Variants in BYSL observed in about 807,000 individuals in gnomAD.
BYSL encodes the protein bystin like.
A neutral mutation model predicts 45.4 loss-of-function variants in BYSL; 21 were observed. That is an observed-to-expected ratio of 0.46 (90% CI 0.33 to 0.67). The LOEUF (loss-of-function observed/expected upper bound fraction) is 0.67. Among genes scored for constraint, BYSL ranks in the 30% least tolerant of loss-of-function variants. The pLI, the probability that BYSL is intolerant of heterozygous loss-of-function variation, is 0.02. For synonymous variants in BYSL, 215 were observed against 231.3 expected (o/e 0.93, Z 0.64); for missense variants, 522 against 578.5 (o/e 0.90, Z 1.00).
chr6:41,921,422 TG>T, upstream of BYSL: 1 of 1,226,790 alleles, frequency 8.2e-7, no homozygotes, highest in Non-Finnish European at 1.1e-6. Flanking sequence ...GCGGCGCTGA[TG>T]GCGCTTCTGG....
At chr6:41,911,525 G>A in the BYSL span, among the ~76,000 whole-genome samples, 4 of 151,924 alleles carry the variant, frequency 2.6e-5, no homozygotes, top group African/African-American at 7.3e-5. Flanking sequence ...CAAGTCTTTC[G>A]GAAAAAGGAA....
At chr6:41,929,902 A>G (rs988236226) in intron 2 of BYSL, among the ~76,000 whole-genome samples, 2 of 152,248 alleles carry the variant, frequency 1.3e-5, no homozygotes, top group South Asian at 2.1e-4. Context: ...CCTCCGTACA[A>G]CTGCTAGCTT....
rs763726551 is a variant in BYSL at position 41,931,713 on chromosome 6, T to G, written c.866-15T>G. On this transcript the variant is annotated splice_polypyrimidine_tract_variant and intron_variant, in intron 5 of 6. Coordinates refer to ENST00000230340, the MANE Select transcript of BYSL (RefSeq NM_004053.4). ...CATCCTGGGCTCACAGTGGCTGCCC[T>G]TTGACTCTCCCTAGGGATCCTGATT... 6 of 1,612,802 alleles carry G rather than the reference T, an allele frequency of 3.7e-6. No individual in the cohort carries two copies. In the African/African-American group the frequency reaches 6.7e-5, roughly 18 times the overall value.
At chr6:41,919,409 T>C (rs1390044213), upstream of BYSL, among the ~76,000 whole-genome samples, 2 of 152,230 alleles carry the variant, frequency 1.3e-5, no homozygotes, top group Non-Finnish European at 1.5e-5. Context: ...GACATTGCTT[T>C]ATGATCAACT....
At chr6:41,924,268 G>A (rs1476381880) in intron 1 of BYSL, among the ~76,000 whole-genome samples, 4 of 150,126 alleles carry the variant, frequency 2.7e-5, no homozygotes, top group African/African-American at 4.9e-5. Context: ...TGGGGATTTC[G>A]CTATGTTGGC....
chr6:41,929,776 A>G (rs986930915), intron 2 of BYSL, among the ~76,000 whole-genome samples: 8 of 152,186 alleles, frequency 5.3e-5, no homozygotes, highest in African/African-American at 1.9e-4. Flanking sequence ...CTATTTTACA[A>G]ATGAGGAAAC....
At chr6:41,924,015 A>C (rs962163020) in intron 1 of BYSL, among the ~76,000 whole-genome samples, 5 of 150,776 alleles carry the variant, frequency 3.3e-5, no homozygotes, top group African/African-American at 1.2e-4. Context: ...ACTCTACTCC[A>C]TCTCCATACT....
chr6:41,921,370 G>T, upstream of BYSL: 1 of 699,854 alleles, frequency 1.4e-6, no homozygotes, highest in South Asian at 2.0e-5. Flanking sequence ...AATATATTCG[G>T]GAGTCCAGCT....
intron 4 of BYSL, 58 bp from the exon 5 acceptor site, chr6:41,931,338 T>C: frequency 6.3e-7 from 1 of 1,586,672 alleles, no homozygotes; most frequent in Non-Finnish European, 8.6e-7. Flanking sequence ...TGATATTTAA[T>C]GGGCCGGGTC....
upstream of BYSL, among the ~76,000 whole-genome samples, chr6:41,918,674 G>A (rs1256721024): frequency 1.4e-5 from 2 of 147,646 alleles, no homozygotes; most frequent in Admixed American, 6.7e-5. Flanking sequence ...ATGGCCGGGC[G>A]CGGTGGCTCA....
At chr6:41,921,321 A>G (rs1775461936), upstream of BYSL, 1 of 611,188 alleles carries the variant, frequency 1.6e-6, no homozygotes, top group African/African-American at 1.9e-5. Context: ...CGACACTCAA[A>G]GACTGCACTA....
At chr6:41,929,659 A>C (rs1462343309) in intron 2 of BYSL, among the ~76,000 whole-genome samples, 1 of 152,244 alleles carries the variant, frequency 6.6e-6, no homozygotes, top group Non-Finnish European at 1.5e-5. Flanking sequence ...TCTTAGAAAT[A>C]TTTCCATAGA....
chr6:41,931,549 G>A lies in BYSL; in HGVS notation c.858G>A (p.Trp286Ter). 4 of 1,614,192 alleles carry A rather than the reference G, an allele frequency of 2.5e-6. No individual in the cohort carries two copies. The highest frequency in any genetic ancestry group is 2.5e-6 in the Non-Finnish European group (3 of 1,180,032). ...AGGCCCTTTTCAAACCTGGAGCCTGGTTCAAAGGTGGGATCCCAGAGGCAC... is the reference window on the plus strand; with the variant it reads ...AGGCCCTTTTCAAACCTGGAGCCTGATTCAAAGGTGGGATCCCAGAGGCAC... Reference protein sequence around the residue: ...LKKALFKPGAWFKGILIPLCE... With the variant: ...LKKALFKPGA Residue 286 changes from tryptophan to a stop codon, truncating the protein, a stop_gained, in exon 5 of 7, where the codon TGG (tryptophan) becomes TGA (stop). Coordinates refer to ENST00000230340, the MANE Select transcript of BYSL (RefSeq NM_004053.4). LOFTEE classifies it high-confidence loss of function.
At chr6:41,923,000 C>G (rs1486558610) in intron 1 of BYSL, among the ~76,000 whole-genome samples, 1 of 152,186 alleles carries the variant, frequency 6.6e-6, no homozygotes, top group Non-Finnish European at 1.5e-5. Context: ...ATTCTGATGA[C>G]TTTGCCTTCA....
intron 1 of BYSL, among the ~76,000 whole-genome samples, chr6:41,924,733 A>G (rs987769112): frequency 6.6e-6 from 1 of 152,208 alleles, no homozygotes; most frequent in Non-Finnish European, 1.5e-5. Context: ...ATCAAATCAA[A>G]TATGTGTTTC....
chr6:41,909,393 C>G, the BYSL span: 1 of 1,614,184 alleles, frequency 6.2e-7, no homozygotes, highest in Non-Finnish European at 8.5e-7. Flanking sequence ...CTGGAAAAAG[C>G]CCTTGAGCTT....
the BYSL span, chr6:41,909,593 T>TC: frequency 5.1e-6 from 8 of 1,571,114 alleles, no homozygotes; most frequent in East Asian, 9.0e-5. Context: ...GTCAAATGAC[T>TC]CCCCCCGGAA....
At chr6:41,913,236 G>A in the BYSL span, 1 of 152,138 alleles carries the variant, frequency 6.6e-6, no homozygotes, top group Non-Finnish European at 1.5e-5. Context: ...TGATGCTAAT[G>A]CTGGTCAAGT....
chr6:41,916,700 A>G (rs1775323158), upstream of BYSL: 6 of 1,520,808 alleles, frequency 3.9e-6, no homozygotes, highest in Non-Finnish European at 5.4e-6. Flanking sequence ...CACCTTTAGC[A>G]GAAAAGCAGA....
Sources: gnomAD v4.1 joint callset for allele counts (sites outside exome capture counted in the v4.1 genomes callset) on GRCh38, gnomAD v4.1.1 for gene constraint, MANE v1.5 for transcripts, NCBI Gene and HGNC (gene_info 2026-07-23, HGNC 2026-07-21) for gene names.